BTG4: variants seen among roughly 807,000 people sequenced by gnomAD.
BTG4 encodes the protein protein BTG4.
Under a neutral mutation model 19.3 loss-of-function variants are expected in BTG4, and 10 were observed. That is an observed-to-expected ratio of 0.52 (90% CI 0.32 to 0.88). BTG4 has a LOEUF of 0.88. BTG4 is among the 40% of genes least tolerant of loss of function. The pLI, the probability that BTG4 is intolerant of heterozygous loss-of-function variation, is 0.04. For synonymous variants in BTG4, 91 were observed against 95.7 expected (o/e 0.95, Z 0.29); for missense variants, 238 against 281.9 (o/e 0.84, Z 1.11).
intron 5 of BTG4, among the ~76,000 whole-genome samples, chr11:111,479,566 C>T (rs1864609027): frequency 6.6e-6 from 1 of 152,064 alleles, no homozygotes; most frequent in Admixed American, 6.6e-5. Flanking sequence ...AGGAAGAACA[C>T]AGGAAGTGAA....
intron 4 of BTG4, 55 bp from the exon 5 acceptor site, chr11:111,495,369 GAACC>G: frequency 6.9e-7 from 1 of 1,450,078 alleles, no homozygotes; most frequent in Non-Finnish European, 9.5e-7. Context: ...GACTAAATAT[GAACC>G]CATAATTCAA....
chr11:111,414,810 C>G, the BTG4 span: 1 of 152,248 alleles, frequency 6.6e-6, no homozygotes, highest in Non-Finnish European at 1.5e-5. Context: ...CCAGGCAAAA[C>G]TGATTTGCAT....
chr11:111,406,288 T>C, the BTG4 span, among the ~76,000 whole-genome samples: 1 of 152,158 alleles, frequency 6.6e-6, no homozygotes, highest in African/African-American at 2.4e-5. Context: ...TACACACTAA[T>C]GTGTTTTGAT....
chr11:111,500,628 A>G (rs1196109927), intron 1 of BTG4, among the ~76,000 whole-genome samples: 2 of 152,078 alleles, frequency 1.3e-5, no homozygotes, highest in African/African-American at 4.8e-5. Flanking sequence ...GACACAGCTC[A>G]CCATGCTGGG....
the BTG4 span, among the ~76,000 whole-genome samples, chr11:111,408,408 G>A: frequency 6.6e-6 from 1 of 152,188 alleles, no homozygotes; most frequent in Non-Finnish European, 1.5e-5. Context: ...GCTCGGGAAT[G>A]AGTGGACGAG....
At chr11:111,497,866 A>G (rs76652092) in intron 3 of BTG4, 132 bp downstream of exon 3, 18,018 of 1,025,538 alleles carry the variant, frequency 0.018, 188 homozygotes, top group Middle Eastern at 0.033. Flanking sequence ...GTTTGCATCT[A>G]AAATCTTAAC....
At chr11:111,432,732 T>C in the BTG4 span, among the ~76,000 whole-genome samples, 9 of 152,226 alleles carry the variant, frequency 5.9e-5, no homozygotes, top group African/African-American at 1.9e-4. Context: ...GAAACAAATA[T>C]GTTTGGTGGC....
intron 1 of BTG4, among the ~76,000 whole-genome samples, chr11:111,507,465 G>C (rs866834418): frequency 1.5e-4 from 23 of 152,056 alleles, no homozygotes; most frequent in African/African-American, 4.6e-4. Context: ...AAGTTCATCT[G>C]TTTAGTTCTA....
chr11:111,403,234 T>A, the BTG4 span, among the ~76,000 whole-genome samples: 1 of 152,168 alleles, frequency 6.6e-6, no homozygotes, highest in Admixed American at 6.5e-5. Context: ...GAAACACAAT[T>A]GTGTACATAG....
At chr11:111,493,286 A>G (rs1174937953), downstream of BTG4, among the ~76,000 whole-genome samples, 2 of 152,218 alleles carry the variant, frequency 1.3e-5, no homozygotes, top group Admixed American at 6.5e-5. Flanking sequence ...TTTAAACTGG[A>G]GAGTAAAGAT....
intron 5 of BTG4, among the ~76,000 whole-genome samples, chr11:111,482,836 A>AG (rs1045726500): frequency 6.1e-5 from 8 of 130,706 alleles, no homozygotes; most frequent in East Asian, 2.2e-4. Context: ...ATAAAACTTT[A>AG]GAAAAAAAAA....
At chr11:111,495,498 C>T (rs987540790) in intron 4 of BTG4, among the ~76,000 whole-genome samples, 184 bp from the exon 5 acceptor site, 3 of 152,114 alleles carry the variant, frequency 2.0e-5, no homozygotes, top group South Asian at 4.1e-4. Context: ...TTATACTGTA[C>T]CTTTTTAAAA....
intron 5 of BTG4, among the ~76,000 whole-genome samples, chr11:111,481,812 A>G (rs1864757767): frequency 6.6e-6 from 1 of 151,936 alleles, no homozygotes; most frequent in South Asian, 2.1e-4. Flanking sequence ...TGGGACTAGA[A>G]GGGAACTTCC....
the BTG4 span, among the ~76,000 whole-genome samples, chr11:111,412,456 G>T: frequency 6.6e-6 from 1 of 152,166 alleles, no homozygotes; most frequent in Non-Finnish European, 1.5e-5. Flanking sequence ...ATTTCATGGT[G>T]TATTGCATAC....
At chr11:111,453,072 C>A in the BTG4 span, among the ~76,000 whole-genome samples, 2 of 152,056 alleles carry the variant, frequency 1.3e-5, no homozygotes, top group African/African-American at 4.8e-5. Flanking sequence ...GGTGTGAGGA[C>A]AAGGATAAGG....
At chr11:111,505,630 A>ATTTT (rs2135721758) in intron 1 of BTG4, among the ~76,000 whole-genome samples, 1 of 152,198 alleles carries the variant, frequency 6.6e-6, no homozygotes, top group African/African-American at 2.4e-5. Flanking sequence ...AGATAGAGAA[A>ATTTT]TAGGACATAA....
chr11:111,431,022 T>C, the BTG4 span, among the ~76,000 whole-genome samples: 173 of 152,334 alleles, frequency 1.1e-3, 1 homozygote, highest in South Asian at 0.021. Context: ...CAGTGACTAA[T>C]TTTGTTCTCT....
the BTG4 span, among the ~76,000 whole-genome samples, chr11:111,407,623 A>T: frequency 6.6e-6 from 1 of 152,226 alleles, no homozygotes; most frequent in African/African-American, 2.4e-5. Flanking sequence ...GTGAGCTGAG[A>T]TCGCACCATC....
the BTG4 span, among the ~76,000 whole-genome samples, chr11:111,406,397 G>C: frequency 1.3e-5 from 2 of 152,338 alleles, no homozygotes; most frequent in South Asian, 2.1e-4. Flanking sequence ...ATAGGATACA[G>C]AGCACCATCT....
Sources: allele counts gnomAD v4.1 joint callset (sites outside exome capture counted in the v4.1 genomes callset), GRCh38; gene constraint gnomAD v4.1.1; transcripts MANE v1.5; gene names NCBI Gene and HGNC (gene_info 2026-07-23, HGNC 2026-07-21).